The following CNTNAP4 variants were observed in gnomAD, a reference collection of about 807,000 sequenced individuals.
The protein encoded by CNTNAP4 is contactin associated protein family member 4, also known as contactin-associated protein-like 4.
CNTNAP4 carries 98 observed loss-of-function variants against 148.4 expected under a neutral mutation model. The ratio of observed to expected loss-of-function variants is 0.66; its 90% CI spans 0.56 to 0.78. The LOEUF is 0.78. CNTNAP4 is among the 30% of genes least tolerant of loss of function. The probability of loss-of-function intolerance (pLI) is 0.00; values close to 1 mark genes in which losing one functional copy is unlikely to be tolerated. For synonymous variants in CNTNAP4, 730 were observed against 565.1 expected (o/e 1.29, Z -4.14); for missense variants, 1,935 against 1,565.6 (o/e 1.24, Z -3.98).
chr16:76,530,559 C>T (rs1236418127), intron 17 of CNTNAP4, among the ~76,000 whole-genome samples: 2 of 152,172 alleles, frequency 1.3e-5, no homozygotes, highest in Non-Finnish European at 2.9e-5. Context: ...GAGACTCGCT[C>T]TGGCTTCAGT....
chr16:76,558,393 G>T, intron 23 of CNTNAP4, 97 bp from the exon 24 acceptor site: 1 of 657,408 alleles, frequency 1.5e-6, no homozygotes, highest in South Asian at 2.3e-5. Flanking sequence ...GATGCTTAAA[G>T]TGGAAAATAG....
intron 3 of CNTNAP4, among the ~76,000 whole-genome samples, chr16:76,391,756 G>A (rs138278074): frequency 6.6e-6 from 1 of 152,288 alleles, no homozygotes; most frequent in African/African-American, 2.4e-5. Flanking sequence ...GCTACTCAAT[G>A]TGTGGTTCTA....
intron 3 of CNTNAP4, among the ~76,000 whole-genome samples, chr16:76,422,766 T>C (rs1286741504): frequency 6.6e-6 from 1 of 152,182 alleles, no homozygotes; most frequent in Non-Finnish European, 1.5e-5. Context: ...ACAGAGTTGA[T>C]GCAAATATTA....
intron 10 of CNTNAP4, among the ~76,000 whole-genome samples, chr16:76,473,323 C>G (rs1324887006): frequency 6.6e-6 from 1 of 152,124 alleles, no homozygotes; most frequent in African/African-American, 2.4e-5. Flanking sequence ...AGTGGTCATT[C>G]ATACACAGTG....
intron 2 of CNTNAP4, among the ~76,000 whole-genome samples, chr16:76,341,093 T>TA (rs1376720370): frequency 6.6e-6 from 1 of 152,200 alleles, no homozygotes; most frequent in Admixed American, 6.5e-5. Flanking sequence ...CTGCTCTTTT[T>TA]ATGGGAAAGC....
chr16:76,494,965 G>A lies in CNTNAP4; in HGVS notation c.2136G>A (p.Trp712Ter). Residue 712 changes from tryptophan to a stop codon, truncating the protein, a stop_gained, in exon 14 of 24, where the codon TGG becomes TGA. Coordinates refer to ENST00000611870, the MANE Select transcript of CNTNAP4 (RefSeq NM_033401.5). LOFTEE classifies it high-confidence loss of function. Reference sequence around the variant, plus strand: ...GAACCAATGAAACGCAAACCTACTGGGGAGGTTCTTCGCCTGATCTTCAAA... The same window carrying A: ...GAACCAATGAAACGCAAACCTACTGAGGAGGTTCTTCGCCTGATCTTCAAA... ...VGRTNETQTYWGGSSPDLQKC... is the reference protein window; with the variant it reads ...VGRTNETQTY 1 of 1,613,560 alleles carries A rather than the reference G, an allele frequency of 6.2e-7. No individual in the cohort carries two copies. The highest frequency in any genetic ancestry group is 1.1e-5 in the South Asian group (1 of 91,044).
Position 76,373,476 on chromosome 16 carries a change from A to T in CNTNAP4, c.390+17965A>T, listed in dbSNP as rs78529051. Among the ~76,000 whole-genome samples the T allele has an allele frequency of 9.2e-3, 1,393 of 152,218 alleles. 9 individuals carry two copies. Among genetic ancestry groups the T allele is most frequent in the Middle Eastern group, 0.024 (7 of 292 alleles). Reference sequence around the variant, plus strand: ...ATTTTTTCTTTTTATTATTATCTGCACTAAATTTACTCCTTTCAGAAATGT... The same window carrying T: ...ATTTTTTCTTTTTATTATTATCTGCTCTAAATTTACTCCTTTCAGAAATGT... On this transcript the variant is annotated intron_variant, in intron 3 of 23. Transcript: ENST00000611870.
Position 76,535,675 on chromosome 16 carries a change from C to T in CNTNAP4, c.2886C>T (p.Cys962=), listed in dbSNP as rs766965922. 5.0e-6 allele frequency: 8 copies of T among 1,614,010 alleles called. No individual in the cohort carries two copies. Among genetic ancestry groups the T allele is most frequent in the East Asian group, 2.2e-5 (1 of 44,870 alleles). ...TGCAGCCAGGTTGTAGGGGACATTG[C>T]AGCAGCTATGGGAAGTTATGCCGCA... ...PEVQPGCRGH[C]SSYGKLCRNG... is the part of the protein sequence containing the mutation. Residue 962 remains cysteine, a synonymous_variant, in exon 18 of 24, where the codon TGC becomes TGT. Coordinates refer to ENST00000611870, the MANE Select transcript of CNTNAP4 (RefSeq NM_033401.5).
intron 2 of CNTNAP4, among the ~76,000 whole-genome samples, chr16:76,345,876 G>T (rs926487965): frequency 1.3e-5 from 2 of 152,146 alleles, no homozygotes; most frequent in Non-Finnish European, 2.9e-5. Context: ...CTTGTCTACA[G>T]TTGAGTTGAG....
chr16:76,504,831 G>A (rs1362477045), intron 15 of CNTNAP4, among the ~76,000 whole-genome samples: 1 of 151,906 alleles, frequency 6.6e-6, no homozygotes, highest in Admixed American at 6.6e-5. Context: ...GAAAAAATAT[G>A]GATTTAAATA....
At chr16:76,458,738 G>A (rs1017629258) in intron 8 of CNTNAP4, among the ~76,000 whole-genome samples, 2 of 152,176 alleles carry the variant, frequency 1.3e-5, no homozygotes, top group African/African-American at 2.4e-5. Flanking sequence ...GTGTGATCCA[G>A]TTCCTAACAG....
At position 76,522,687 on chromosome 16, in the gene CNTNAP4, C is replaced by CTTTCTTTTCTTTTTTCT. The variant is rs2083523317; in HGVS notation, c.2755+443_2755+444insTTCTTTTCTTTTCTTTT. On this transcript the variant is annotated intron_variant, in intron 17 of 23. Coordinates refer to ENST00000611870, the MANE Select transcript of CNTNAP4 (RefSeq NM_033401.5). ...CTTTCCTTCTTTCTCTCTTTCTCTC[C>CTTTCTTTTCTTTTTTCT]TTTCTTTTCTTTTCTTTTCTTTTCT... Among the ~76,000 whole-genome samples, 27 of 30,122 alleles carry CTTTCTTTTCTTTTTTCT rather than the reference C, an allele frequency of 9.0e-4. 4 individuals carry two copies. The highest frequency in any genetic ancestry group is 1.5e-3 in the Non-Finnish European group (23 of 15,186). 19.8% of individuals were successfully genotyped at this position (30,122 alleles called of 152,430 possible). A position where few individuals can be genotyped will look rare whatever the true frequency, so the allele number is the denominator to read the frequency against.
At chr16:76,384,801 CA>C (rs2144724945) in intron 3 of CNTNAP4, among the ~76,000 whole-genome samples, 1 of 152,244 alleles carries the variant, frequency 6.6e-6, no homozygotes, top group South Asian at 2.1e-4. Flanking sequence ...TATTTTACTA[CA>C]GTTAATTATC....
chr16:76,492,951 T>TC (rs1171716840), intron 13 of CNTNAP4, among the ~76,000 whole-genome samples: 1 of 149,316 alleles, frequency 6.7e-6, no homozygotes, highest in Non-Finnish European at 1.5e-5. Flanking sequence ...CTTGCACACT[T>TC]TTTTTTTTTT....
chr16:76,448,592 C>G (rs1410860204), intron 5 of CNTNAP4, among the ~76,000 whole-genome samples, 175 bp from the exon 6 acceptor site: 1 of 152,002 alleles, frequency 6.6e-6, no homozygotes, highest in East Asian at 1.9e-4. Flanking sequence ...GAAATTACAA[C>G]AAGGTTGAGA....
At chr16:76,548,484 G>A (rs1311203717) in intron 21 of CNTNAP4, among the ~76,000 whole-genome samples, 1 of 151,400 alleles carries the variant, frequency 6.6e-6, no homozygotes, top group Non-Finnish European at 1.5e-5. Flanking sequence ...TACATGTATT[G>A]TCGTATCTTT....
At chr16:76,431,299 C>A (rs955953788) in intron 4 of CNTNAP4, among the ~76,000 whole-genome samples, 1 of 152,104 alleles carries the variant, frequency 6.6e-6, no homozygotes, top group Non-Finnish European at 1.5e-5. Flanking sequence ...AGGGTGAAAT[C>A]TGGAGGCAGC....
chr16:76,339,576 G>T (rs1054478822), intron 2 of CNTNAP4, among the ~76,000 whole-genome samples: 1 of 152,140 alleles, frequency 6.6e-6, no homozygotes, highest in African/African-American at 2.4e-5. Flanking sequence ...GACACAAAGA[G>T]AATTTAAGAT....
chr16:76,518,889 C>G (rs1267946696), intron 15 of CNTNAP4, among the ~76,000 whole-genome samples: 1 of 152,158 alleles, frequency 6.6e-6, no homozygotes, highest in Non-Finnish European at 1.5e-5. Flanking sequence ...TCATTCTCCT[C>G]TCCCCCTCCA....
Sources: gnomAD v4.1 joint callset for allele counts (sites outside exome capture counted in the v4.1 genomes callset) on GRCh38, gnomAD v4.1.1 for gene constraint, MANE v1.5 for transcripts, NCBI Gene and HGNC (gene_info 2026-07-23, HGNC 2026-07-21) for gene names.